The following ITGAE variants were observed in gnomAD, a reference collection of about 807,000 sequenced individuals.
ITGAE encodes the protein integrin subunit alpha E, also known as integrin alpha-E.
ITGAE carries 99 observed loss-of-function variants against 136.5 expected under a neutral mutation model. The ratio of observed to expected loss-of-function variants is 0.73; its 90% confidence interval spans 0.62 to 0.86. The LOEUF is 0.86. Ranked by LOEUF, ITGAE falls within the 40% of genes least tolerant of loss-of-function variation. The pLI, the probability that ITGAE is intolerant of heterozygous loss-of-function variation, is 0.00. For missense variants in ITGAE, 1,447 were observed against 1,515.3 expected (o/e 0.95, Z 0.75); for synonymous variants, 613 against 591.8 (o/e 1.04, Z -0.52).
intron 2 of ITGAE, among the ~76,000 whole-genome samples, chr17:3,772,727 G>T (rs2052455874): frequency 6.6e-6 from 1 of 152,160 alleles, no homozygotes; most frequent in Non-Finnish European, 1.5e-5. Flanking sequence ...GCCTCCCAAA[G>T]TGCTGGGATT....
chr17:3,717,195 C>T (rs1382173064), intron 29 of ITGAE: 3 of 164,198 alleles, frequency 1.8e-5, no homozygotes, highest in African/African-American at 4.8e-5. Flanking sequence ...AAAATGATGA[C>T]TTCCTTTAAA....
At chr17:3,778,681 T>G (rs1180862986) in intron 1 of ITGAE, among the ~76,000 whole-genome samples, 1 of 152,206 alleles carries the variant, frequency 6.6e-6, no homozygotes, top group African/African-American at 2.4e-5. Flanking sequence ...GAATTCTATT[T>G]TATTCAATGG....
chr17:3,754,260 T>C (rs2051946755), intron 12 of ITGAE, among the ~76,000 whole-genome samples: 2 of 152,170 alleles, frequency 1.3e-5, no homozygotes, highest in East Asian at 3.9e-4. Flanking sequence ...ACCACTATTA[T>C]TATTTTTATT....
At chr17:3,744,131 C>A (rs541700406) in intron 18 of ITGAE, among the ~76,000 whole-genome samples, 1 of 152,036 alleles carries the variant, frequency 6.6e-6, no homozygotes, top group African/African-American at 2.4e-5. Context: ...CCACCTTGGC[C>A]TCCCAAAGTG....
At position 3,783,290 on chromosome 17, in the gene ITGAE, G is replaced by A. The variant is rs1348315939; in HGVS notation, c.35-5630C>T. On this transcript the variant is annotated intron_variant, in intron 1 of 30. Transcript: ENST00000263087. Reference sequence around the variant, plus strand: ...GGAGTAGCTGGGATTACAGGCGCCCGCCACCATGCCCAGCTAAGTTTTGTA... The same window carrying A: ...GGAGTAGCTGGGATTACAGGCGCCCACCACCATGCCCAGCTAAGTTTTGTA... 7.4e-4 allele frequency among the ~76,000 whole-genome samples: 113 copies of A among 152,044 alleles called. 1 individual carries two copies. Among genetic ancestry groups the A allele is most frequent in the Admixed American group, 7.3e-3 (112 of 15,256 alleles).
chr17:3,715,922 C>T (rs2567882), intron 30 of ITGAE, among the ~76,000 whole-genome samples: 57,551 of 151,368 alleles, frequency 0.38, 13,056 homozygotes, highest in South Asian at 0.6. Context: ...TTTGGGAGGC[C>T]GAGGCGGGAG....
intron 21 of ITGAE, 106 bp downstream of exon 21, chr17:3,734,711 G>A (rs1366266144): frequency 3.6e-6 from 5 of 1,375,484 alleles, no homozygotes; most frequent in Non-Finnish European, 5.1e-6. Flanking sequence ...TGGACCAGGA[G>A]GAGGCTGGAG....
At chr17:3,767,878 T>TG (rs1302030328) in intron 2 of ITGAE, among the ~76,000 whole-genome samples, 1 of 152,096 alleles carries the variant, frequency 6.6e-6, no homozygotes, top group African/African-American at 2.4e-5. Context: ...TCTTCCAAAG[T>TG]GTCAGAGAAA....
chr17:3,800,779 CAG>C (rs1408568111), intron 1 of ITGAE, among the ~76,000 whole-genome samples: 1 of 152,192 alleles, frequency 6.6e-6, no homozygotes, highest in East Asian at 1.9e-4. Context: ...GAACAAACTA[CAG>C]AGTCAAGGAC....
At chr17:3,733,273 C>CT (rs2051388700) in intron 21 of ITGAE, among the ~76,000 whole-genome samples, 1 of 152,056 alleles carries the variant, frequency 6.6e-6, no homozygotes, top group Non-Finnish European at 1.5e-5. Flanking sequence ...CCGTGAGCCA[C>CT]GGTGCCCGGC....
In ITGAE at chr17:3,749,746, AGTGGCTCATGCCT is replaced by A. The variant is rs567906327; in HGVS notation, c.2024+593_2024+605del. 1.1e-3 allele frequency among the ~76,000 whole-genome samples: 167 copies of A among 151,616 alleles called. 4 individuals are homozygous for A. In the South Asian group the frequency reaches 0.034, roughly 31 times the overall value. ...AACTCTGCAATTCTTGGCCAGGCAT[AGTGGCTCATGCCT>A]GTAATCCCAGCACTTTGGGAAGCCA... On this transcript the variant is annotated intron_variant, in intron 16 of 30. Transcript: ENST00000263087.
At chr17:3,722,073 G>A (rs2051063280) in intron 28 of ITGAE, among the ~76,000 whole-genome samples, 1 of 152,132 alleles carries the variant, frequency 6.6e-6, no homozygotes, top group Admixed American at 6.5e-5. Context: ...CAGCTACTTG[G>A]GAGGCTGAGG....
intron 2 of ITGAE, among the ~76,000 whole-genome samples, chr17:3,764,908 C>T (rs1323663114): frequency 2.6e-5 from 4 of 152,098 alleles, no homozygotes; most frequent in Non-Finnish European, 4.4e-5. Context: ...AGACAGTGAG[C>T]TCCGGGGGTT....
intron 29 of ITGAE, among the ~76,000 whole-genome samples, chr17:3,718,693 T>A (rs568069715): frequency 2.0e-5 from 3 of 152,286 alleles, no homozygotes; most frequent in South Asian, 2.1e-4. Flanking sequence ...TATCAGTAAG[T>A]AAGAGGGGGA....
At chr17:3,738,751 G>A (rs1175349307) in intron 20 of ITGAE, 1 of 152,298 alleles carries the variant, frequency 6.6e-6, no homozygotes, top group Non-Finnish European at 1.5e-5. Context: ...GCATGCTGGG[G>A]CTGTGGCCCT....
intron 21 of ITGAE, among the ~76,000 whole-genome samples, chr17:3,734,495 G>A (rs2051417790): frequency 6.6e-6 from 1 of 152,186 alleles, no homozygotes; most frequent in South Asian, 2.1e-4. Flanking sequence ...CCAGCCTTGG[G>A]AATGGCAGGG....
intron 1 of ITGAE, among the ~76,000 whole-genome samples, chr17:3,789,781 G>A (rs745709365): frequency 2.2e-4 from 34 of 152,052 alleles, no homozygotes; most frequent in African/African-American, 7.7e-4. Context: ...GATTTCAGGC[G>A]TGAGCCACCT....
intron 6 of ITGAE, 133 bp downstream of exon 6, chr17:3,760,880 G>T: frequency 1.5e-6 from 2 of 1,328,794 alleles, no homozygotes; most frequent in Non-Finnish European, 2.0e-6. Context: ...GGTGGAGCTG[G>T]TACAGGTCAG....
chr17:3,723,226 T>C, intron 28 of ITGAE, 62 bp downstream of exon 28: 1 of 1,119,712 alleles, frequency 8.9e-7, no homozygotes, highest in Non-Finnish European at 1.4e-6. Flanking sequence ...TATTATCTCT[T>C]CTAGGGGCGA....
Sources: allele counts gnomAD v4.1 joint callset (sites outside exome capture counted in the v4.1 genomes callset), GRCh38; gene constraint gnomAD v4.1.1; transcripts MANE v1.5; gene names NCBI Gene and HGNC (gene_info 2026-07-23, HGNC 2026-07-21).